CDH4: variants seen among roughly 807,000 people sequenced by gnomAD.
CDH4 encodes the protein cadherin-4.
A neutral mutation model predicts 86.0 loss-of-function variants in CDH4; 33 were observed. The observed-to-expected ratio is 0.38, with a 90% CI of 0.29 to 0.51. The LOEUF (loss-of-function observed/expected upper bound fraction) is 0.51. CDH4 is among the 20% of genes least tolerant of loss of function. The pLI, the probability that CDH4 is intolerant of heterozygous loss-of-function variation, is 0.86. For synonymous variants in CDH4, 555 were observed against 549.4 expected, an observed-to-expected ratio of 1.01 and a Z score of -0.14; for missense variants, 1,114 against 1,307.4, an observed-to-expected ratio of 0.85 and a Z score of 2.28.
intron 2 of CDH4, among the ~76,000 whole-genome samples, chr20:61,353,412 C>G (rs1274230130): frequency 3.9e-5 from 6 of 152,058 alleles, no homozygotes; most frequent in African/African-American, 1.4e-4. Flanking sequence ...TGCATAATGC[C>G]TGCGACTTTG....
rs186588047 is a variant in CDH4, at chr20:61,498,210, A to T, written c.169+243273A>T. Among the ~76,000 whole-genome samples, 220 of 148,022 alleles carry T rather than the reference A, an allele frequency of 1.5e-3. 1 individual carries two copies. The highest frequency in any genetic ancestry group is 2.5e-4 in the Non-Finnish European group (17 of 66,850). ...ACCCTAGAACTTAAAGTATAATAAT[A>T]AAAAAAAAAGGCCACAGCTTGTGAA... is the stretch of plus-strand genomic sequence containing the variant. On this transcript the variant is annotated intron_variant, in intron 2 of 15. Coordinates refer to ENST00000614565, the MANE Select transcript of CDH4 (RefSeq NM_001794.5).
At chr20:61,784,605 CCG>C (rs1978760060) in intron 4 of CDH4, among the ~76,000 whole-genome samples, 1 of 79,606 alleles carries the variant, frequency 1.3e-5, no homozygotes, top group Admixed American at 1.4e-4. Flanking sequence ...TCCAGGCCCT[CCG>C]ATATCCTGTG....
chr20:61,523,172 G>A (rs1211722966), intron 2 of CDH4, among the ~76,000 whole-genome samples: 4 of 152,198 alleles, frequency 2.6e-5, no homozygotes, highest in African/African-American at 9.6e-5. Flanking sequence ...TGGGAAGGCG[G>A]CTCCATGCCA....
At chr20:61,493,564 C>A (rs2145591567) in intron 2 of CDH4, among the ~76,000 whole-genome samples, 1 of 152,316 alleles carries the variant, frequency 6.6e-6, no homozygotes, top group African/African-American at 2.4e-5. Flanking sequence ...CTGGTGGCTG[C>A]CAGTGAGATA....
chr20:61,900,265 A>G (rs1985329117), intron 8 of CDH4, among the ~76,000 whole-genome samples: 1 of 152,056 alleles, frequency 6.6e-6, no homozygotes, highest in Non-Finnish European at 1.5e-5. Flanking sequence ...TCCTGAGCAC[A>G]GGAATTTGGC....
At chr20:61,901,639 C>T (rs6121487) in intron 8 of CDH4, among the ~76,000 whole-genome samples, 11,798 of 152,288 alleles carry the variant, frequency 0.077, 1,178 homozygotes, top group East Asian at 0.44. Flanking sequence ...TAGATGCCCT[C>T]GTCCACACCG....
At chr20:61,312,988 G>T (rs2084455811) in intron 2 of CDH4, among the ~76,000 whole-genome samples, 1 of 152,146 alleles carries the variant, frequency 6.6e-6, no homozygotes, top group South Asian at 2.1e-4. Flanking sequence ...GGGCCTGGGG[G>T]TCTCACTCCT....
intron 4 of CDH4, among the ~76,000 whole-genome samples, chr20:61,837,767 C>G (rs915925608): frequency 1.1e-4 from 16 of 152,168 alleles, no homozygotes; most frequent in East Asian, 9.7e-4. Flanking sequence ...GAGCACCCCC[C>G]CCGTGGGTCT....
At chr20:61,431,987 T>C (rs2085249851) in intron 2 of CDH4, among the ~76,000 whole-genome samples, 1 of 152,168 alleles carries the variant, frequency 6.6e-6, no homozygotes, top group Admixed American at 6.5e-5. Context: ...GTGTGCCCCT[T>C]CTAATGCCAA....
At chr20:61,537,618 G>A (rs1252574086) in intron 2 of CDH4, among the ~76,000 whole-genome samples, 1 of 152,208 alleles carries the variant, frequency 6.6e-6, no homozygotes, top group Non-Finnish European at 1.5e-5. Flanking sequence ...TGATTTAGAA[G>A]CAGAAGCGGG....
At chr20:61,538,521 C>T (rs1488861306) in intron 2 of CDH4, among the ~76,000 whole-genome samples, 1 of 152,202 alleles carries the variant, frequency 6.6e-6, no homozygotes, top group Non-Finnish European at 1.5e-5. Flanking sequence ...TGTACTTTCG[C>T]CTGGCCTTCC....
At chr20:61,422,316 C>T (rs1568838295) in intron 2 of CDH4, among the ~76,000 whole-genome samples, 2 of 150,760 alleles carry the variant, frequency 1.3e-5, no homozygotes, top group Non-Finnish European at 3.0e-5. Context: ...CCCAGCTACT[C>T]GGGGGGCTGA....
At chr20:61,312,239 G>C (rs1198767710) in intron 2 of CDH4, among the ~76,000 whole-genome samples, 1 of 151,170 alleles carries the variant, frequency 6.6e-6, no homozygotes, top group Non-Finnish European at 1.5e-5. Flanking sequence ...GTGTGCATGT[G>C]TGTGGTGTGT....
intron 2 of CDH4, among the ~76,000 whole-genome samples, chr20:61,467,363 G>A (rs564845095): frequency 2.0e-5 from 3 of 152,224 alleles, no homozygotes; most frequent in Non-Finnish European, 4.4e-5. Context: ...TTTTTGAAAT[G>A]TTCTGTAGAA....
intron 2 of CDH4, among the ~76,000 whole-genome samples, chr20:61,549,597 A>C (rs73611533): frequency 0.044 from 6,629 of 152,246 alleles, 315 homozygotes; most frequent in East Asian, 0.25. Context: ...TGTGTCCATG[A>C]GGGCTCGCAG....
At chr20:61,356,028 C>T (rs2084748061) in intron 2 of CDH4, among the ~76,000 whole-genome samples, 1 of 152,200 alleles carries the variant, frequency 6.6e-6, no homozygotes, top group Non-Finnish European at 1.5e-5. Context: ...TTCCAGAAGT[C>T]AAATTTTCTT....
chr20:61,299,911 G>A (rs2084377060), intron 2 of CDH4, among the ~76,000 whole-genome samples: 1 of 152,242 alleles, frequency 6.6e-6, no homozygotes, highest in Non-Finnish European at 1.5e-5. Flanking sequence ...CTTACAGGAG[G>A]TGTGTGGGGT....
At chr20:61,358,270 T>C (rs545160670) in intron 2 of CDH4, among the ~76,000 whole-genome samples, 47 of 152,292 alleles carry the variant, frequency 3.1e-4, no homozygotes, top group African/African-American at 1.1e-3. Context: ...CACTGTGTGC[T>C]GAGTGGGGTC....
At chr20:61,865,035 G>A (rs941107199) in intron 6 of CDH4, among the ~76,000 whole-genome samples, 18 of 152,080 alleles carry the variant, frequency 1.2e-4, no homozygotes, top group East Asian at 3.9e-4. Context: ...AGGCAGCCTC[G>A]TGAACTTCAA....
Sources: allele counts gnomAD v4.1 joint callset (sites outside exome capture counted in the v4.1 genomes callset), GRCh38; gene constraint gnomAD v4.1.1; transcripts MANE v1.5; gene names NCBI Gene and HGNC (gene_info 2026-07-23, HGNC 2026-07-21).